The following PRKG1 variants were observed in gnomAD, a reference collection of about 807,000 sequenced individuals.
The protein encoded by PRKG1 is protein kinase cGMP-dependent 1.
In PRKG1, 35 loss-of-function variants were observed where a neutral mutation model predicts 88.1. The ratio of observed to expected loss-of-function variants is 0.40; its 90% CI spans 0.30 to 0.53. The LOEUF (loss-of-function observed/expected upper bound fraction) is 0.53, where lower values mean the gene tolerates loss of function less well. PRKG1 is among the 20% of genes least tolerant of loss of function. The pLI, the probability that PRKG1 is intolerant of heterozygous loss-of-function variation, is 0.59. For synonymous variants in PRKG1, 303 were observed against 292.5 expected, an observed-to-expected ratio of 1.04 and a Z score of -0.37; for missense variants, 540 against 839.8, an observed-to-expected ratio of 0.64 and a Z score of 4.41.
chr10:52,166,756 G>A (rs1177830624), intron 9 of PRKG1, among the ~76,000 whole-genome samples: 1 of 121,582 alleles, frequency 8.2e-6, no homozygotes, highest in African/African-American at 2.8e-5. Context: ...GCAGTTACAG[G>A]CAAAACAGCT....
intron 4 of PRKG1, among the ~76,000 whole-genome samples, chr10:51,826,972 G>A (rs1026151367): frequency 2.0e-5 from 3 of 152,120 alleles, no homozygotes; most frequent in African/African-American, 7.2e-5. Context: ...CCACAACAGT[G>A]GTGCTGAGAG....
chr10:51,724,443 C>G (rs1284767804), intron 3 of PRKG1, among the ~76,000 whole-genome samples: 2 of 152,194 alleles, frequency 1.3e-5, no homozygotes, highest in Non-Finnish European at 2.9e-5. Context: ...ATGGATGGCA[C>G]TTTCAAAACC....
intron 2 of PRKG1, among the ~76,000 whole-genome samples, chr10:51,372,996 T>C (rs1334488358): frequency 6.6e-6 from 1 of 152,148 alleles, no homozygotes; most frequent in Non-Finnish European, 1.5e-5. Flanking sequence ...TTTCTTTTTC[T>C]TGTAATGTCT....
At chr10:51,833,974 C>T (rs909343829) in intron 4 of PRKG1, among the ~76,000 whole-genome samples, 1 of 152,108 alleles carries the variant, frequency 6.6e-6, no homozygotes, top group African/African-American at 2.4e-5. Flanking sequence ...CCATGCCTAG[C>T]CTGTTTCACT....
intron 2 of PRKG1, among the ~76,000 whole-genome samples, chr10:51,415,037 T>C (rs1030817537): frequency 2.0e-5 from 3 of 152,238 alleles, no homozygotes; most frequent in Non-Finnish European, 4.4e-5. Flanking sequence ...AACAATCTTA[T>C]AAAATAACAT....
chr10:52,199,938 T>C (rs1361787982), intron 9 of PRKG1, among the ~76,000 whole-genome samples: 2 of 152,204 alleles, frequency 1.3e-5, no homozygotes, highest in South Asian at 2.1e-4. Context: ...TTTGTTGGAA[T>C]TGAACACTTG....
chr10:52,062,222 C>T (rs1204794036), intron 6 of PRKG1, among the ~76,000 whole-genome samples: 1 of 151,944 alleles, frequency 6.6e-6, no homozygotes, highest in African/African-American at 2.4e-5. Flanking sequence ...GAAATGCTCA[C>T]CAAGTTCATT....
intron 3 of PRKG1, among the ~76,000 whole-genome samples, chr10:51,684,954 T>C (rs1301452367): frequency 1.3e-5 from 2 of 152,210 alleles, no homozygotes; most frequent in African/African-American, 4.8e-5. Flanking sequence ...GTTTTGGTTT[T>C]CATTGCCTCT....
rs1554830040 is a variant in PRKG1 at position 51,016,692 on chromosome 10, T to TTTTTTTTTTTCC, written c.266+25048_266+25049insTTTTTTTTTTCC. 3.4e-4 allele frequency among the ~76,000 whole-genome samples: 45 copies of TTTTTTTTTTTCC among 133,280 alleles called. 2 individuals carry two copies. The highest frequency in any genetic ancestry group is 1.3e-3 in the African/African-American group (44 of 34,094). 87.4% of individuals were successfully genotyped at this position (133,280 alleles called of 152,430 possible). On this transcript the variant is annotated intron_variant, in intron 1 of 17. Transcript: ENST00000401604. The stretch of plus-strand genomic sequence containing the variant: ...TCCTTTCTTTTTTTTTTTTTTTTTT[T>TTTTTTTTTTTCC]GGAATCTTGCTCTGTTGCCAGGCTG...
intron 1 of PRKG1, among the ~76,000 whole-genome samples, chr10:51,055,065 G>T (rs1843610396): frequency 6.6e-6 from 1 of 152,000 alleles, no homozygotes; most frequent in African/African-American, 2.4e-5. Context: ...CATATTCCAG[G>T]TTTGGTGAGT....
At chr10:52,191,933 A>T (rs1839373019) in intron 9 of PRKG1, among the ~76,000 whole-genome samples, 1 of 152,154 alleles carries the variant, frequency 6.6e-6, no homozygotes, top group African/African-American at 2.4e-5. Context: ...CATATCAGTT[A>T]GGAATCTGAT....
intron 8 of PRKG1, among the ~76,000 whole-genome samples, chr10:52,142,890 A>C (rs1228086457): frequency 6.6e-6 from 1 of 152,182 alleles, no homozygotes; most frequent in Non-Finnish European, 1.5e-5. Context: ...GGACAGGACT[A>C]TGTTTATTTG....
chr10:51,189,483 A>G (rs1837578102), intron 2 of PRKG1, among the ~76,000 whole-genome samples: 2 of 151,880 alleles, frequency 1.3e-5, no homozygotes, highest in African/African-American at 2.4e-5. Flanking sequence ...GGTGGAGAAT[A>G]AAACTAGTTC....
intron 3 of PRKG1, among the ~76,000 whole-genome samples, chr10:51,634,587 A>G (rs898558996): frequency 6.6e-6 from 1 of 152,122 alleles, no homozygotes; most frequent in African/African-American, 2.4e-5. Flanking sequence ...CCCTACCTAG[A>G]TACTGGCTAA....
chr10:51,163,181 G>C (rs936757559), intron 2 of PRKG1, among the ~76,000 whole-genome samples: 12 of 152,118 alleles, frequency 7.9e-5, no homozygotes, highest in Non-Finnish European at 1.8e-4. Context: ...AAAACAAAAA[G>C]AAAAACAGAA....
chr10:51,253,685 T>G (rs1358999075), intron 2 of PRKG1, among the ~76,000 whole-genome samples: 1 of 151,918 alleles, frequency 6.6e-6, no homozygotes, highest in Non-Finnish European at 1.5e-5. Context: ...TTTGAAGGCT[T>G]CAGAACCATT....
At chr10:52,176,427 A>G (rs563075807) in intron 9 of PRKG1, among the ~76,000 whole-genome samples, 1 of 152,088 alleles carries the variant, frequency 6.6e-6, no homozygotes, top group Non-Finnish European at 1.5e-5. Context: ...GCTTTGTAGT[A>G]TATTTTGCAG....
chr10:51,534,942 A>G (rs1430535844), intron 3 of PRKG1, among the ~76,000 whole-genome samples: 1 of 152,168 alleles, frequency 6.6e-6, no homozygotes, highest in African/African-American at 2.4e-5. Context: ...AATCAATATC[A>G]TGCCAACCAA....
In PRKG1 at chr10:51,703,233, A is replaced by T. The variant is rs185903058; in HGVS notation, c.593-101352A>T. Among the ~76,000 whole-genome samples the T allele has an allele frequency of 1.9e-3, 290 of 152,296 alleles. 1 individual carries two copies. Among genetic ancestry groups the T allele is most frequent in the East Asian group, 3.5e-3 (18 of 5,180 alleles). On this transcript the variant is annotated intron_variant, in intron 3 of 17. Coordinates refer to ENST00000373980, the MANE Select transcript of PRKG1 (RefSeq NM_006258.4). Reference sequence around the variant, plus strand: ...TCTATACACTTTGAAGGAATTTTTTAAAAAAAGATTCACTATAGAGTGTAA... The same window carrying T: ...TCTATACACTTTGAAGGAATTTTTTTAAAAAAGATTCACTATAGAGTGTAA...
Sources: gnomAD v4.1 joint callset for allele counts (sites outside exome capture counted in the v4.1 genomes callset) on GRCh38, gnomAD v4.1.1 for gene constraint, MANE v1.5 for transcripts, NCBI Gene and HGNC (gene_info 2026-07-23, HGNC 2026-07-21) for gene names.